ETDA: variants seen among roughly 807,000 people sequenced by gnomAD.
The protein encoded by ETDA is embryonic testis differentiation homolog A.
Position 135,253,463 on chromosome X carries a change from T to C in ETDA, c.*7T>C, listed in dbSNP as rs1283531467. 1 of 291,582 alleles carries C rather than the reference T, an allele frequency of 3.4e-6. No individual in the cohort carries two copies. Among genetic ancestry groups the C allele is most frequent in the East Asian group, 4.8e-5 (1 of 20,787 alleles). The allele number at this position is 291,582 out of a possible 1,213,427, so 24.0% of individuals were successfully genotyped here. On this transcript the variant is annotated 3_prime_UTR_variant, in exon 3 of 3. Transcript: ENST00000427686. The stretch of plus-strand genomic sequence containing the variant: ...GGTGTGGATGCTGTCATAAAGCAAC[T>C]CTAGGGTGGACATGGCCTTGGACAA...
rs2083791756 is a variant in ETDA at position 135,253,534 on chromosome X, A to G, written c.*78A>G. ...CTGAAGCCTGCCCATATTTTTGAGAAATTAAATATAATTAGAACAATAAAC... is the reference window on the plus strand; with the variant it reads ...CTGAAGCCTGCCCATATTTTTGAGAGATTAAATATAATTAGAACAATAAAC... On this transcript the variant is annotated 3_prime_UTR_variant, in exon 3 of 3. Transcript: ENST00000427686. 1 of 290,542 alleles carries G rather than the reference A, an allele frequency of 3.4e-6. No individual in the cohort carries two copies. Among genetic ancestry groups the G allele is most frequent in the African/African-American group, 2.8e-5 (1 of 35,532 alleles). 23.9% of individuals were successfully genotyped at this position (290,542 alleles called of 1,213,427 possible). A position where few individuals can be genotyped will look rare whatever the true frequency, so the allele number is the denominator to read the frequency against.
chrX:135,252,289 C>T (rs1217972734), intron 1 of ETDA, among the ~76,000 whole-genome samples, 191 bp downstream of exon 1: 1 of 99,321 alleles, frequency 1.0e-5, no homozygotes, highest in Non-Finnish European at 2.0e-5. Context: ...TTTCTCAGTT[C>T]CAATCTCACC....
intron 1 of ETDA, 94 bp downstream of exon 1, chrX:135,252,192 G>A (rs2148456793): frequency 9.6e-6 from 1 of 103,640 alleles, no homozygotes; most frequent in African/African-American, 3.7e-5. Flanking sequence ...TTTGGTAATG[G>A]GGGGAGGTTA....
rs1296161350 is a variant in ETDA, at chrX:135,253,495, A to G, written c.*39A>G. 3.4e-6 allele frequency: 1 copy of G among 293,065 alleles called. No individual in the cohort carries two copies. Among genetic ancestry groups the G allele is most frequent in the African/African-American group, 2.8e-5 (1 of 35,795 alleles). The allele number at this position is 293,065 out of a possible 1,213,427, so 24.2% of individuals were successfully genotyped here. Reference sequence around the variant, plus strand: ...TGGACATGGCCTTGGACAAAAAGTCATGTGGCTTACGTGCTGAAGCCTGCC... The same window carrying G: ...TGGACATGGCCTTGGACAAAAAGTCGTGTGGCTTACGTGCTGAAGCCTGCC... On this transcript the variant is annotated 3_prime_UTR_variant, in exon 3 of 3. Coordinates refer to ENST00000427686, the MANE Select transcript of ETDA (RefSeq NM_001355522.1).
At chrX:135,252,249 T>C (rs1556413673) in intron 1 of ETDA, among the ~76,000 whole-genome samples, 151 bp downstream of exon 1, 1 of 104,004 alleles carries the variant, frequency 9.6e-6, no homozygotes, top group Non-Finnish European at 2.0e-5. Flanking sequence ...TACAGAGCAG[T>C]GGGTAAAAGC....
In ETDA at chrX:135,253,449, T is replaced by C. The variant is rs2083791160; in HGVS notation, c.173T>C (p.Leu58Pro). Residue 58 changes from leucine to proline, a missense_variant, in exon 3 of 3, where the codon CTG becomes CCG. Leu to Pro is a moderately conservative substitution (Grantham distance 98, BLOSUM62 -3). Coordinates refer to ENST00000427686, the MANE Select transcript of ETDA (RefSeq NM_001355522.1). ...GACCTGTCAAGATGGGTGTGGATGC[T>C]GTCATAAAGCAACTCTAGGGTGGAC... ...DIDLSRWVWM[L>P]S The C allele has an allele frequency of 3.4e-6, 1 of 290,944 alleles. No individual in the cohort carries two copies. Among genetic ancestry groups the C allele is most frequent in the African/African-American group, 2.8e-5 (1 of 35,230 alleles). The allele number at this position is 290,944 out of a possible 1,213,427, so 24.0% of individuals were successfully genotyped here.
intron 2 of ETDA, 98 bp from the exon 3 acceptor site, chrX:135,253,130 G>A (rs1300865180): frequency 7.4e-6 from 2 of 268,779 alleles, no homozygotes; most frequent in Non-Finnish European, 1.3e-5. Context: ...GTGTGTATGG[G>A]GGTGTGTGTG....
chrX:135,253,438 G>A lies in ETDA; in HGVS notation c.162G>A (p.Trp54Ter), dbSNP rs2083791029. The A allele has an allele frequency of 3.4e-6, 1 of 290,205 alleles. No individual in the cohort carries two copies. The highest frequency in any genetic ancestry group is 6.4e-5 in the Admixed American group (1 of 15,548). 23.9% of individuals were successfully genotyped at this position (290,205 alleles called of 1,213,427 possible). A position where few individuals can be genotyped will look rare whatever the true frequency, so the allele number is the denominator to read the frequency against. Reference sequence around the variant, plus strand: ...GAAGTGACATCGACCTGTCAAGATGGGTGTGGATGCTGTCATAAAGCAACT... The same window carrying A: ...GAAGTGACATCGACCTGTCAAGATGAGTGTGGATGCTGTCATAAAGCAACT... ...RHRSDIDLSR[W>*]VWMLS Residue 54 changes from tryptophan (W) to a stop codon, truncating the protein, a stop_gained, in exon 3 of 3, where the codon TGG becomes TGA. Transcript: ENST00000427686. LOFTEE classifies it high-confidence loss of function.
In ETDA at chrX:135,252,690, G is replaced by A. The variant is rs2083784488; in HGVS notation, c.-164G>A. On this transcript the variant is annotated 5_prime_UTR_variant, in exon 2 of 3. Transcript: ENST00000427686. ...AACAAATTATAGCAGCCTGCAAGTT[G>A]TAGAATGAAGAAATGCAAATGTAAA... 3 of 101,602 alleles carry A rather than the reference G, an allele frequency of 3.0e-5. No individual in the cohort carries two copies. In the South Asian group the frequency reaches 1.4e-3, roughly 47 times the overall value. The allele number at this position is 101,602 out of a possible 1,213,427, so 8.4% of individuals were successfully genotyped here.
Position 135,252,703 on chromosome X carries a change from A to G in ETDA, c.-151A>G, listed in dbSNP as rs2148456969. The G allele has an allele frequency of 9.6e-6, 1 of 103,847 alleles. No homozygotes were observed. The highest frequency in any genetic ancestry group is 2.9e-4 in the East Asian group (1 of 3,419). The allele number at this position is 103,847 out of a possible 1,213,427, so 8.6% of individuals were successfully genotyped here. A position where few individuals can be genotyped will look rare whatever the true frequency, so the allele number is the denominator to read the frequency against. ...AGCCTGCAAGTTGTAGAATGAAGAA[A>G]TGCAAATGTAAAGTACTGAACTTTG... On this transcript the variant is annotated 5_prime_UTR_variant, in exon 2 of 3. An upstream start codon of the reference 5' UTR is lost. Coordinates refer to ENST00000427686, the MANE Select transcript of ETDA (RefSeq NM_001355522.1).
intron 2 of ETDA, 106 bp from the exon 3 acceptor site, chrX:135,253,122 G>A (rs1488527406): frequency 3.3e-5 from 9 of 276,129 alleles, no homozygotes; most frequent in Non-Finnish European, 5.6e-5. Flanking sequence ...CAGTGTGTGT[G>A]TGTATGGGGG....
chrX:135,252,310 T>G lies in ETDA; in HGVS notation c.-288+212T>G, dbSNP rs201336649. ...AGTTCCAATCTCACCTCTCTGTCAC[T>G]TGGGCAAGTCTTTTAGTCTCTCTTG... On this transcript the variant is annotated intron_variant, in intron 1 of 2. Transcript: ENST00000427686. Among the ~76,000 whole-genome samples the G allele has an allele frequency of 0.012, 1,134 of 94,439 alleles. 74 individuals carry two copies. The East Asian group carries it at 0.18, about 15-fold the overall frequency. The allele number at this position is 94,439 out of a possible 115,157, so 82.0% of individuals were successfully genotyped here. A position where few individuals can be genotyped will look rare whatever the true frequency, so the allele number is the denominator to read the frequency against.
Position 135,253,467 on chromosome X carries a change from G to A in ETDA, c.*11G>A. ...TGGATGCTGTCATAAAGCAACTCTA[G>A]GGTGGACATGGCCTTGGACAAAAAG... On this transcript the variant is annotated 3_prime_UTR_variant, in exon 3 of 3. Coordinates refer to ENST00000427686, the MANE Select transcript of ETDA (RefSeq NM_001355522.1). 1 of 291,851 alleles carries A rather than the reference G, an allele frequency of 3.4e-6. No homozygotes were observed. Among genetic ancestry groups the A allele is most frequent in the Admixed American group, 6.3e-5 (1 of 15,770 alleles). The allele number at this position is 291,851 out of a possible 1,213,427, so 24.1% of individuals were successfully genotyped here.
intron 1 of ETDA, among the ~76,000 whole-genome samples, chrX:135,252,339 G>A (rs1275077809): frequency 1.2e-5 from 1 of 84,905 alleles, no homozygotes; most frequent in African/African-American, 4.6e-5. Flanking sequence ...TCTCTTGGGA[G>A]GTCAAAATAG....
rs1390577419 is a variant in ETDA, at chrX:135,253,508, G to A, written c.*52G>A. On this transcript the variant is annotated 3_prime_UTR_variant, in exon 3 of 3. Transcript: ENST00000427686. ...GGACAAAAAGTCATGTGGCTTACGTGCTGAAGCCTGCCCATATTTTTGAGA... is the reference window on the plus strand; with the variant it reads ...GGACAAAAAGTCATGTGGCTTACGTACTGAAGCCTGCCCATATTTTTGAGA... The A allele has an allele frequency of 3.4e-6, 1 of 293,044 alleles. No homozygotes were observed. Among genetic ancestry groups the A allele is most frequent in the East Asian group, 4.8e-5 (1 of 20,846 alleles). The allele number at this position is 293,044 out of a possible 1,213,427, so 24.2% of individuals were successfully genotyped here.
intron 2 of ETDA, 116 bp from the exon 3 acceptor site, chrX:135,253,109 TAGC>T (rs1264907008): frequency 3.7e-6 from 1 of 272,829 alleles, no homozygotes; most frequent in Non-Finnish European, 6.3e-6. Context: ...CTACTGCTGG[TAGC>T]AGTGTGTGTG....
intron 2 of ETDA, 79 bp from the exon 3 acceptor site, chrX:135,253,149 T>C (rs1457700282): frequency 7.3e-6 from 2 of 275,691 alleles, no homozygotes; most frequent in African/African-American, 6.0e-5. Context: ...TGTGTGTGTG[T>C]GTGTGTGTGT....
At chrX:135,252,436 G>GC (rs1199400264) in intron 1 of ETDA, 131 bp from the exon 2 acceptor site, 1 of 72,382 alleles carries the variant, frequency 1.4e-5, no homozygotes, top group African/African-American at 5.6e-5. Context: ...ATGAGGCAGG[G>GC]CCAGGCATCA....
At position 135,252,118 on chromosome X, in the gene ETDA, C is replaced by T. The variant is rs1433813915; in HGVS notation, c.-288+20C>T. Reference sequence around the variant, plus strand: ...TCACAGGTAAAATATCCTGATATACCAAGATCATAGAGCATCCTTTTGTGC... The same window carrying T: ...TCACAGGTAAAATATCCTGATATACTAAGATCATAGAGCATCCTTTTGTGC... On this transcript the variant is annotated intron_variant, in intron 1 of 2. Transcript: ENST00000427686. 1 of 84,005 alleles carries T rather than the reference C, an allele frequency of 1.2e-5. No individual in the cohort carries two copies. The highest frequency in any genetic ancestry group is 4.8e-5 in the African/African-American group (1 of 21,005). The allele number at this position is 84,005 out of a possible 1,213,427, so 6.9% of individuals were successfully genotyped here.
Sources: allele counts gnomAD v4.1 joint callset (sites outside exome capture counted in the v4.1 genomes callset), GRCh38; gene constraint gnomAD v4.1.1; transcripts MANE v1.5; gene names NCBI Gene and HGNC (gene_info 2026-07-23, HGNC 2026-07-21).